TMEM53: variants seen among roughly 807,000 people sequenced by gnomAD.
TMEM53 encodes the protein transmembrane protein 53.
Under a neutral mutation model 21.4 loss-of-function variants are expected in TMEM53, and 14 were observed. The observed-to-expected ratio is 0.65, with a 90% CI of 0.43 to 1.02. The LOEUF (loss-of-function observed/expected upper bound fraction) is 1.02. Among genes scored for constraint, TMEM53 ranks in the 50% least tolerant of loss-of-function variants. TMEM53 has a pLI of 0.00. For missense variants in TMEM53, 323 were observed against 383.6 expected (o/e 0.84, Z 1.32); for synonymous variants, 148 against 157.4 (o/e 0.94, Z 0.45).
rs562961919 is a variant in TMEM53, at chr1:44,664,312, G to A, written c.62-4017C>T. Among the ~76,000 whole-genome samples the A allele has an allele frequency of 2.1e-4, 32 of 151,918 alleles. No homozygotes were observed. The South Asian group carries it at 3.5e-3, about 17-fold the overall frequency. Reference sequence around the variant, plus strand: ...CTAAAAATACAAAAATCAGCCGGACGTGGTGGCACATGCCTGTAATCCCAG... The same window carrying A: ...CTAAAAATACAAAAATCAGCCGGACATGGTGGCACATGCCTGTAATCCCAG... On this transcript the variant is annotated intron_variant, in intron 1 of 2. Coordinates refer to ENST00000372237, the MANE Select transcript of TMEM53 (RefSeq NM_024587.4).
chr1:44,663,060 C>A (rs1644915063), intron 1 of TMEM53, among the ~76,000 whole-genome samples: 1 of 152,138 alleles, frequency 6.6e-6, no homozygotes, highest in Admixed American at 6.6e-5. Flanking sequence ...TTATTGATTT[C>A]TTTATTTTTG....
intron 2 of TMEM53, 136 bp downstream of exon 2, chr1:44,660,037 TA>T: frequency 9.0e-7 from 1 of 1,110,840 alleles, no homozygotes; most frequent in Non-Finnish European, 1.2e-6. Flanking sequence ...TTTGTATTTT[TA>T]GTAGAGACAG....
At chr1:44,660,765 G>A (rs137914042) in intron 1 of TMEM53, among the ~76,000 whole-genome samples, 2,501 of 151,734 alleles carry the variant, frequency 0.016, 84 homozygotes, top group Admixed American at 0.067. Flanking sequence ...CGGACGGATC[G>A]TGAGGTCAGG....
intron 2 of TMEM53, among the ~76,000 whole-genome samples, chr1:44,657,876 G>A (rs1644863670): frequency 6.9e-6 from 1 of 144,522 alleles, no homozygotes; most frequent in Non-Finnish European, 1.6e-5. Context: ...TAGAGTTTTG[G>A]GTTGGACTTT....
Position 44,674,467 on chromosome 1 carries a change from T to G in TMEM53, c.-76A>C. 3 of 1,459,852 alleles carry G rather than the reference T, an allele frequency of 2.1e-6. No individual in the cohort carries two copies. Among genetic ancestry groups the G allele is most frequent in the Non-Finnish European group, 2.8e-6 (3 of 1,078,788 alleles). The allele number at this position is 1,459,852 out of a possible 1,614,324, so 90.4% of individuals were successfully genotyped here. On this transcript the variant is annotated 5_prime_UTR_variant, in exon 1 of 3. Coordinates refer to ENST00000372237, the MANE Select transcript of TMEM53 (RefSeq NM_024587.4). The stretch of plus-strand genomic sequence containing the variant: ...CGCACCCGTGCCTCACCCGGGCGCC[T>G]CCTGGGCGCCGCCCAATCACCACAC...
intron 2 of TMEM53, among the ~76,000 whole-genome samples, chr1:44,658,605 C>T (rs1644870758): frequency 1.3e-5 from 2 of 152,144 alleles, no homozygotes; most frequent in Non-Finnish European, 2.9e-5. Flanking sequence ...GGCTAGAGTG[C>T]AGTGGTGCGA....
chr1:44,662,672 C>T (rs970275657), intron 1 of TMEM53, among the ~76,000 whole-genome samples: 1 of 152,082 alleles, frequency 6.6e-6, no homozygotes, highest in Non-Finnish European at 1.5e-5. Context: ...AGAACAGGCT[C>T]CCCCTCCCCT....
chr1:44,663,017 T>G (rs2148533498), intron 1 of TMEM53, among the ~76,000 whole-genome samples: 1 of 152,358 alleles, frequency 6.6e-6, no homozygotes, highest in East Asian at 1.9e-4. Context: ...AGAGACTGCC[T>G]ACTCCCATAG....
intron 1 of TMEM53, among the ~76,000 whole-genome samples, chr1:44,673,561 A>G (rs573250158): frequency 6.6e-6 from 1 of 152,294 alleles, no homozygotes; most frequent in African/African-American, 2.4e-5. Flanking sequence ...GCCTGCTGTC[A>G]ATCCTAATTT....
chr1:44,670,691 T>A (rs1050647416), intron 1 of TMEM53, among the ~76,000 whole-genome samples: 1 of 152,226 alleles, frequency 6.6e-6, no homozygotes, highest in Non-Finnish European at 1.5e-5. Flanking sequence ...AAAAAAGGCA[T>A]GCGGTAAAAC....
At chr1:44,672,265 G>A (rs1645008583) in intron 1 of TMEM53, among the ~76,000 whole-genome samples, 1 of 152,260 alleles carries the variant, frequency 6.6e-6, no homozygotes, top group Non-Finnish European at 1.5e-5. Flanking sequence ...GTTTCCCTTG[G>A]AGGAAATGTG....
intron 1 of TMEM53, among the ~76,000 whole-genome samples, chr1:44,671,530 G>C (rs563421665): frequency 3.3e-5 from 5 of 152,232 alleles, no homozygotes; most frequent in African/African-American, 1.2e-4. Flanking sequence ...GGGAGGCTGC[G>C]ATAGGAGGAC....
Position 44,674,313 on chromosome 1 carries a change from C to G in TMEM53, c.61+18G>C, listed in dbSNP as rs1645060908. On this transcript the variant is annotated intron_variant, in intron 1 of 2. Coordinates refer to ENST00000372237, the MANE Select transcript of TMEM53 (RefSeq NM_024587.4). ...TGAGGTCACCTCCCCGCGCCTGGAC[C>G]CAACCCTCATTCCATACTCTGGCTC... 1.9e-6 allele frequency: 3 copies of G among 1,608,450 alleles called. No homozygotes were observed. The highest frequency in any genetic ancestry group is 1.7e-6 in the Non-Finnish European group (2 of 1,177,238).
Position 44,654,660 on chromosome 1 carries a change from C to T in TMEM53, c.733G>A (p.Val245Met). Residue 245 changes from valine to methionine, a missense_variant, in exon 3 of 3, where the codon GTG (valine) becomes ATG (methionine). This residue lies in a region of TMEM53 where 269 missense variants were observed against 334.5 expected (regional missense o/e 0.80). Coordinates refer to ENST00000372237, the MANE Select transcript of TMEM53 (RefSeq NM_024587.4). This position sits in a 1 kb window ranked among gnomAD's most constrained non-coding sequence, Gnocchi z 7.0. ...ACGTGTGCAGATGACACGAAATCCA[C>T]AGAACGCGCCAGGACCCGGCGTGCC... ...RLARRVLARS[V>M]DFVSSAHVSH... The T allele has an allele frequency of 6.2e-7, 1 of 1,614,138 alleles. No homozygotes were observed. Among genetic ancestry groups the T allele is most frequent in the Non-Finnish European group, 8.5e-7 (1 of 1,180,038 alleles).
chr1:44,667,313 TTG>T (rs1644957437), intron 1 of TMEM53, among the ~76,000 whole-genome samples: 1 of 135,352 alleles, frequency 7.4e-6, no homozygotes, highest in Non-Finnish European at 1.5e-5. Flanking sequence ...ACTTTTTTTG[TTG>T]TTTTTTTTTT....
intron 1 of TMEM53, among the ~76,000 whole-genome samples, chr1:44,665,201 A>C (rs1056695938): frequency 6.6e-6 from 1 of 152,106 alleles, no homozygotes; most frequent in Non-Finnish European, 1.5e-5. Flanking sequence ...CATCAGGAAC[A>C]GGTAGGAGGC....
chr1:44,674,262 A>C, intron 1 of TMEM53, 69 bp downstream of exon 1: 1 of 1,539,382 alleles, frequency 6.5e-7, no homozygotes, highest in South Asian at 1.2e-5. Flanking sequence ...GCGGGGCTAC[A>C]GCTGCGCTCG....
chr1:44,659,598 G>C (rs1644880640), intron 2 of TMEM53, among the ~76,000 whole-genome samples: 1 of 152,194 alleles, frequency 6.6e-6, no homozygotes. Flanking sequence ...GGAGGTCCTG[G>C]GAGTACAAGC....
chr1:44,660,341 C>CG, intron 1 of TMEM53, 46 bp from the exon 2 acceptor site: 1 of 1,528,546 alleles, frequency 6.5e-7, no homozygotes, highest in Non-Finnish European at 8.9e-7. Context: ...GGGGTGGGGG[C>CG]GGGGGTGACT....
Sources: allele counts gnomAD v4.1 joint callset (sites outside exome capture counted in the v4.1 genomes callset), GRCh38; gene constraint gnomAD v4.1.1; regional missense constraint gnomAD v4.1.1; non-coding constraint Gnocchi (gnomAD v3.1); transcripts MANE v1.5; gene names NCBI Gene and HGNC (gene_info 2026-07-23, HGNC 2026-07-21).